RASSF8: variants seen among roughly 807,000 people sequenced by gnomAD.
The protein encoded by RASSF8 is Ras association domain family member 8, also known as ras association domain-containing protein 8.
RASSF8 carries 22 observed loss-of-function variants against 48.5 expected under a neutral mutation model. That is an observed-to-expected ratio of 0.45 (90% CI 0.32 to 0.65). The LOEUF (loss-of-function observed/expected upper bound fraction) is 0.65. Ranked by LOEUF, RASSF8 falls within the 30% of genes least tolerant of loss-of-function variation. RASSF8 has a pLI of 0.03. For missense variants in RASSF8, 418 were observed against 489.2 expected (o/e 0.85, Z 1.37); for synonymous variants, 127 against 171.5 (o/e 0.74, Z 2.03).
At chr12:25,960,880 G>GA (rs1394982434) in intron 1 of RASSF8, among the ~76,000 whole-genome samples, 2 of 152,136 alleles carry the variant, frequency 1.3e-5, no homozygotes, top group Admixed American at 6.5e-5. Flanking sequence ...TGTGCTTCTG[G>GA]AAAAAACAGT....
chr12:26,054,170 A>G (rs1943551898), intron 2 of RASSF8, among the ~76,000 whole-genome samples: 1 of 152,256 alleles, frequency 6.6e-6, no homozygotes, highest in Non-Finnish European at 1.5e-5. Context: ...TGGGAAGACC[A>G]CAAAACAATG....
downstream of RASSF8, among the ~76,000 whole-genome samples, chr12:26,074,991 TA>T: frequency 6.6e-6 from 1 of 152,204 alleles, no homozygotes; most frequent in South Asian, 2.1e-4. Context: ...TCTGACTGGA[TA>T]TGTGAAGAAC....
At chr12:26,026,678 C>T (rs968141693) in intron 2 of RASSF8, among the ~76,000 whole-genome samples, 13 of 152,052 alleles carry the variant, frequency 8.5e-5, no homozygotes, top group African/African-American at 2.9e-4. Context: ...TCAAGTGATC[C>T]GCCCACCTCG....
chr12:26,073,410 TA>T (rs1944035671), downstream of RASSF8, among the ~76,000 whole-genome samples: 1 of 152,202 alleles, frequency 6.6e-6, no homozygotes, highest in African/African-American at 2.4e-5. Context: ...TTTATAGGAA[TA>T]TTTTTATAAG....
At chr12:26,053,323 A>G (rs915023645) in intron 2 of RASSF8, among the ~76,000 whole-genome samples, 15 of 152,208 alleles carry the variant, frequency 9.9e-5, no homozygotes, top group African/African-American at 3.6e-4. Context: ...GGCACTTTAA[A>G]TAGACTTTAA....
chr12:26,012,003 A>G (rs1341861321), intron 2 of RASSF8, among the ~76,000 whole-genome samples: 1 of 152,196 alleles, frequency 6.6e-6, no homozygotes, highest in African/African-American at 2.4e-5. Context: ...TATCCATGGC[A>G]TATAGTAGGC....
chr12:26,012,709 C>T (rs1592265499), intron 2 of RASSF8, among the ~76,000 whole-genome samples: 1 of 132,894 alleles, frequency 7.5e-6, no homozygotes, highest in East Asian at 2.2e-4. Flanking sequence ...GAGATAGGGT[C>T]TCACTCTGTT....
chr12:25,975,640 CT>C (rs1428857385), intron 1 of RASSF8, among the ~76,000 whole-genome samples: 18 of 152,166 alleles, frequency 1.2e-4, no homozygotes, highest in Admixed American at 8.5e-4. Flanking sequence ...TGGCCTCTGC[CT>C]TTTAAAAAGC....
intron 2 of RASSF8, among the ~76,000 whole-genome samples, chr12:26,051,145 A>G (rs1300787305): frequency 6.6e-6 from 1 of 152,144 alleles, no homozygotes; most frequent in Non-Finnish European, 1.5e-5. Context: ...ACTCTCCGAG[A>G]CTCACTTTTC....
In RASSF8 at chr12:26,003,856, G is replaced by A. The variant is rs182208897; in HGVS notation, c.-109+8726G>A. Reference sequence around the variant, plus strand: ...TTAAAAATACATATATGTATTTATAGTAAAAAATACATTTTCCATAAGGAT... The same window carrying A: ...TTAAAAATACATATATGTATTTATAATAAAAAATACATTTTCCATAAGGAT... On this transcript the variant is annotated intron_variant, in intron 2 of 5. Coordinates refer to ENST00000689635, the MANE Select transcript of RASSF8 (RefSeq NM_001394098.1). Among the ~76,000 whole-genome samples, 12 of 152,144 alleles carry A rather than the reference G, an allele frequency of 7.9e-5. No individual in the cohort carries two copies. The East Asian group carries it at 2.3e-3, about 29-fold the overall frequency.
At chr12:25,987,704 G>A (rs1272960505) in intron 1 of RASSF8, among the ~76,000 whole-genome samples, 1 of 152,016 alleles carries the variant, frequency 6.6e-6, no homozygotes, top group East Asian at 1.9e-4. Context: ...CCAACACATT[G>A]TATTCATTTT....
At chr12:25,958,463 C>T (rs1486494946), upstream of RASSF8, 1 of 151,652 alleles carries the variant, frequency 6.6e-6, no homozygotes, top group African/African-American at 2.4e-5. Context: ...GCAGCGCTGG[C>T]GTCCCAGTTC....
intron 2 of RASSF8, among the ~76,000 whole-genome samples, chr12:26,051,916 C>G (rs1254808965): frequency 6.6e-6 from 1 of 152,198 alleles, no homozygotes; most frequent in African/African-American, 2.4e-5. Flanking sequence ...CTTCTTGCCT[C>G]AGAAACCCTG....
intron 2 of RASSF8, among the ~76,000 whole-genome samples, chr12:26,042,264 A>G (rs984711679): frequency 2.6e-5 from 4 of 152,162 alleles, no homozygotes; most frequent in Non-Finnish European, 5.9e-5. Context: ...AGATAATGTT[A>G]ATCACAGCCT....
chr12:26,076,284 AC>A (rs1944072000), downstream of RASSF8, among the ~76,000 whole-genome samples: 1 of 149,960 alleles, frequency 6.7e-6, no homozygotes, highest in Non-Finnish European at 1.5e-5. Flanking sequence ...ATTATACTTT[AC>A]TTTAAGTTCT....
Position 26,071,269 on chromosome 12 carries a change from A to G in RASSF8, c.*2451A>G, listed in dbSNP as rs1341061120. 1.0e-6 allele frequency: 1 copy of G among 984,102 alleles called. No homozygotes were observed. Among genetic ancestry groups the G allele is most frequent in the Admixed American group, 6.1e-5 (1 of 16,280 alleles). The allele number at this position is 984,102 out of a possible 1,614,324, so 61.0% of individuals were successfully genotyped here. A position where few individuals can be genotyped will look rare whatever the true frequency, so the allele number is the denominator to read the frequency against. Reference sequence around the variant, plus strand: ...TTTTATCTATTGCAAATACAAATGAATTAGATAAGTGCCACATCCTGGATA... The same window carrying G: ...TTTTATCTATTGCAAATACAAATGAGTTAGATAAGTGCCACATCCTGGATA... On this transcript the variant is annotated 3_prime_UTR_variant, in exon 6 of 6. Coordinates refer to ENST00000689635, the MANE Select transcript of RASSF8 (RefSeq NM_001394098.1).
intron 2 of RASSF8, among the ~76,000 whole-genome samples, chr12:26,008,002 G>T (rs974392319): frequency 6.6e-6 from 1 of 152,110 alleles, no homozygotes; most frequent in Non-Finnish European, 1.5e-5. Flanking sequence ...CATCAGGTGC[G>T]GTGGCTCACG....
chr12:26,024,336 TCTC>T (rs1255280830), intron 2 of RASSF8, among the ~76,000 whole-genome samples: 28 of 151,998 alleles, frequency 1.8e-4, no homozygotes, highest in Non-Finnish European at 2.5e-4. Flanking sequence ...GGAATAAAGA[TCTC>T]CTCACAAAGA....
intron 1 of RASSF8, among the ~76,000 whole-genome samples, chr12:25,979,287 TGA>T (rs1470756406): frequency 6.6e-6 from 1 of 151,620 alleles, no homozygotes; most frequent in Non-Finnish European, 1.5e-5. Context: ...GAAGAGAAGC[TGA>T]GAGAGAGAAA....
Sources: allele counts gnomAD v4.1 joint callset (sites outside exome capture counted in the v4.1 genomes callset), GRCh38; gene constraint gnomAD v4.1.1; transcripts MANE v1.5; gene names NCBI Gene and HGNC (gene_info 2026-07-23, HGNC 2026-07-21).